NOX4: variants seen among roughly 807,000 people sequenced by gnomAD.
The protein encoded by NOX4 is kidney oxidase-1.
A neutral mutation model predicts 87.6 loss-of-function variants in NOX4; 69 were observed. The ratio of observed to expected loss-of-function variants is 0.79; its 90% CI spans 0.65 to 0.96. The LOEUF (loss-of-function observed/expected upper bound fraction) is 0.96. NOX4 is among the 40% of genes least tolerant of loss of function. NOX4 has a pLI of 0.00. For synonymous variants in NOX4, 275 were observed against 238.2 expected (o/e 1.15, Z -1.42); for missense variants, 680 against 681.5 (o/e 1.00, Z 0.02).
At chr11:89,378,923 A>C (rs984928068) in intron 11 of NOX4, among the ~76,000 whole-genome samples, 3 of 152,192 alleles carry the variant, frequency 2.0e-5, no homozygotes, top group Admixed American at 1.3e-4. Context: ...TGACAAATTA[A>C]AACTTTAATG....
chr11:89,480,095 C>T (rs1946330770), intron 2 of NOX4, among the ~76,000 whole-genome samples: 1 of 152,112 alleles, frequency 6.6e-6, no homozygotes, highest in Non-Finnish European at 1.5e-5. Context: ...TGTAACTGGA[C>T]CTGCGCAGTT....
chr11:89,445,454 G>C (rs1261485796), intron 4 of NOX4, among the ~76,000 whole-genome samples: 1 of 152,008 alleles, frequency 6.6e-6, no homozygotes, highest in Non-Finnish European at 1.5e-5. Flanking sequence ...TAGAAGTAGG[G>C]GAAGAGTCAG....
intron 13 of NOX4, among the ~76,000 whole-genome samples, chr11:89,349,104 T>C (rs1004446823): frequency 2.4e-4 from 36 of 152,048 alleles, no homozygotes; most frequent in African/African-American, 8.2e-4. Flanking sequence ...CTGGTCACTA[T>C]GGTGAAACTT....
chr11:89,395,700 C>A (rs1176624625), intron 11 of NOX4, among the ~76,000 whole-genome samples: 3 of 152,098 alleles, frequency 2.0e-5, no homozygotes, highest in Non-Finnish European at 2.9e-5. Context: ...AGGAAGGGAT[C>A]CAGTTTCAGC....
At chr11:89,466,191 C>G (rs571619592) in intron 2 of NOX4, among the ~76,000 whole-genome samples, 1 of 152,220 alleles carries the variant, frequency 6.6e-6, no homozygotes, top group East Asian at 1.9e-4. Flanking sequence ...TTTAGTTATA[C>G]CAGCCTGAAC....
intron 11 of NOX4, among the ~76,000 whole-genome samples, chr11:89,375,249 ATTATT>A (rs1476192236): frequency 6.6e-6 from 1 of 152,150 alleles, no homozygotes; most frequent in Non-Finnish European, 1.5e-5. Context: ...TATTATTAAA[ATTATT>A]TTATTTATAA....
chr11:89,380,902 G>C (rs532174879), intron 11 of NOX4, among the ~76,000 whole-genome samples: 1 of 152,028 alleles, frequency 6.6e-6, no homozygotes, highest in East Asian at 1.9e-4. Flanking sequence ...TGAAAACATA[G>C]AGCAAAACAA....
At chr11:89,491,825 C>T (rs1179542482), upstream of NOX4, among the ~76,000 whole-genome samples, 1 of 151,556 alleles carries the variant, frequency 6.6e-6, no homozygotes, top group Non-Finnish European at 1.5e-5. Context: ...TCTCAAAGAG[C>T]CTTGGTAACG....
intron 12 of NOX4, among the ~76,000 whole-genome samples, chr11:89,362,177 C>A (rs1229475362): frequency 6.6e-6 from 1 of 150,622 alleles, no homozygotes; most frequent in Non-Finnish European, 1.5e-5. Flanking sequence ...GACACAGACA[C>A]ACACACACAC....
intron 11 of NOX4, among the ~76,000 whole-genome samples, chr11:89,391,915 T>C (rs1394084197): frequency 2.0e-5 from 3 of 151,194 alleles, no homozygotes. Flanking sequence ...CCTTCCTTTT[T>C]CCTTTTCCCT....
rs571674325 is a variant in NOX4 at position 89,435,088 on chromosome 11, CCAAT to C, written c.476-2236_476-2233del. 1.8e-3 allele frequency among the ~76,000 whole-genome samples: 268 copies of C among 151,984 alleles called. 1 individual carries two copies. Among genetic ancestry groups the C allele is most frequent in the African/African-American group, 5.7e-3 (238 of 41,484 alleles). On this transcript the variant is annotated intron_variant, in intron 6 of 17. Coordinates refer to ENST00000263317, the MANE Select transcript of NOX4 (RefSeq NM_016931.5). Reference sequence around the variant, plus strand: ...ATGTGTATATATGTATGTATCAAAACCAATCAAATTGTATACATGTGTATAATTA... The same window carrying C: ...ATGTGTATATATGTATGTATCAAAACCAAATTGTATACATGTGTATAATTA...
intron 12 of NOX4, 98 bp downstream of exon 12, chr11:89,373,334 C>T (rs1186604772): frequency 1.4e-5 from 6 of 435,546 alleles, no homozygotes; most frequent in African/African-American, 2.2e-5. Context: ...AACACATACA[C>T]ATCTCTATAC....
At position 89,355,150 on chromosome 11, in the gene NOX4, G is replaced by A. The variant is rs1354837330; in HGVS notation, c.1136-107C>T. ...GTTTATTTTGTTAGACATTTTGACT[G>A]TATATCCATCCTTTATTAGAAATTT... On this transcript the variant is annotated intron_variant, in intron 12 of 17. Transcript: ENST00000263317. The A allele has an allele frequency of 1.6e-5, 12 of 758,366 alleles. No individual in the cohort carries two copies. The East Asian group carries it at 3.5e-4, about 22-fold the overall frequency. The allele number at this position is 758,366 out of a possible 1,614,324, so 47.0% of individuals were successfully genotyped here. A position where few individuals can be genotyped will look rare whatever the true frequency, so the allele number is the denominator to read the frequency against.
chr11:89,394,203 A>G (rs1015818614), intron 11 of NOX4, among the ~76,000 whole-genome samples: 4 of 152,170 alleles, frequency 2.6e-5, no homozygotes, highest in Admixed American at 1.3e-4. Flanking sequence ...TAGGTGAAAA[A>G]TTCTTTGATA....
intron 2 of NOX4, among the ~76,000 whole-genome samples, chr11:89,452,137 C>T (rs1432636589): frequency 1.3e-5 from 2 of 152,188 alleles, no homozygotes; most frequent in African/African-American, 2.4e-5. Flanking sequence ...GTTACAATCA[C>T]CTGAAAACAC....
At chr11:89,572,750 C>A in the NOX4 span, among the ~76,000 whole-genome samples, 63 of 152,098 alleles carry the variant, frequency 4.1e-4, no homozygotes, top group Non-Finnish European at 3.1e-4. Context: ...TTCTTTCCAA[C>A]CTTTCTGTAT....
At chr11:89,539,887 C>T in the NOX4 span, among the ~76,000 whole-genome samples, 1 of 151,730 alleles carries the variant, frequency 6.6e-6, no homozygotes, top group Non-Finnish European at 1.5e-5. Flanking sequence ...TTTAATTCAC[C>T]TTAATCTACC....
At chr11:89,532,149 A>G in the NOX4 span, among the ~76,000 whole-genome samples, 119 of 152,328 alleles carry the variant, frequency 7.8e-4, 3 homozygotes, top group East Asian at 0.021. Context: ...CCACTGGGGC[A>G]CTGCCTAGTG....
At chr11:89,586,419 T>C in the NOX4 span, among the ~76,000 whole-genome samples, 2 of 152,190 alleles carry the variant, frequency 1.3e-5, no homozygotes, top group Non-Finnish European at 2.9e-5. Flanking sequence ...AAATGTGATT[T>C]TGAGAAATTA....
Sources: gnomAD v4.1 joint callset for allele counts (sites outside exome capture counted in the v4.1 genomes callset) on GRCh38, gnomAD v4.1.1 for gene constraint, MANE v1.5 for transcripts, NCBI Gene and HGNC (gene_info 2026-07-23, HGNC 2026-07-21) for gene names.